HACE1: variants seen among roughly 807,000 people sequenced by gnomAD.
The protein encoded by HACE1 is HECT domain and ankyrin repeat containing E3 ubiquitin protein ligase 1.
HACE1 carries 73 observed loss-of-function variants against 118.4 expected under a neutral mutation model. The observed-to-expected ratio is 0.62, with a 90% CI of 0.51 to 0.75. The LOEUF (loss-of-function observed/expected upper bound fraction) is 0.75, where lower values mean the gene tolerates loss of function less well. Ranked by LOEUF, HACE1 falls within the 30% of genes least tolerant of loss-of-function variation. HACE1 has a pLI of 0.00. For synonymous variants in HACE1, 368 were observed against 374.8 expected, an observed-to-expected ratio of 0.98 and a Z score of 0.21; for missense variants, 749 against 1,102.2, an observed-to-expected ratio of 0.68 and a Z score of 4.54.
chr6:104,859,632 G>A lies in HACE1; in HGVS notation c.11C>T (p.Ala4Val). Residue 4 changes from alanine to valine, a missense_variant, in exon 1 of 24, where the codon GCG (alanine) becomes GTG (valine). Physicochemically the swap from Ala to Val is moderately conservative, Grantham distance 64. Around this residue, in one of 5 missense-constraint regions of HACE1, gnomAD observed 120 missense variants for 219.1 expected, o/e 0.55. Coordinates refer to ENST00000262903, the MANE Select transcript of HACE1 (RefSeq NM_020771.4). Reference sequence around the variant, plus strand: ...CGTCAGGCGGTTGAGTTGCTCCATCGCTCTCTCCATCCTCGGCGCGCCCTC... The same window carrying A: ...CGTCAGGCGGTTGAGTTGCTCCATCACTCTCTCCATCCTCGGCGCGCCCTC... MER[A>V]MEQLNRLTRS... 6.5e-7 allele frequency: 1 copy of A among 1,532,966 alleles called. No individual in the cohort carries two copies. The allele number at this position is 1,532,966 out of a possible 1,614,324, so 95.0% of individuals were successfully genotyped here. A position where few individuals can be genotyped will look rare whatever the true frequency, so the allele number is the denominator to read the frequency against.
chr6:104,830,430 C>T (rs564447392), intron 6 of HACE1, among the ~76,000 whole-genome samples: 1 of 152,130 alleles, frequency 6.6e-6, no homozygotes, highest in East Asian at 1.9e-4. Flanking sequence ...AGAAAAAATT[C>T]CAGGAAACAG....
chr6:104,750,056 A>C (rs1777868795), intron 20 of HACE1, among the ~76,000 whole-genome samples: 1 of 152,154 alleles, frequency 6.6e-6, no homozygotes, highest in Non-Finnish European at 1.5e-5. Context: ...ATATAGGAAG[A>C]CTGGCCTTCA....
intron 19 of HACE1, among the ~76,000 whole-genome samples, chr6:104,760,186 T>C (rs1031328563): frequency 2.6e-5 from 4 of 152,210 alleles, no homozygotes; most frequent in African/African-American, 9.7e-5. Context: ...GAATCCTCTC[T>C]AACTTATTTT....
intron 3 of HACE1, among the ~76,000 whole-genome samples, chr6:104,850,594 C>A (rs1488630031): frequency 6.6e-6 from 1 of 152,132 alleles, no homozygotes; most frequent in Non-Finnish European, 1.5e-5. Flanking sequence ...CATATAAAAT[C>A]TCATATTGCT....
intron 22 of HACE1, among the ~76,000 whole-genome samples, chr6:104,734,880 G>A (rs936611013): frequency 6.6e-6 from 1 of 152,100 alleles, no homozygotes; most frequent in African/African-American, 2.4e-5. Flanking sequence ...GACTCATACT[G>A]ACCAAATCAT....
At chr6:104,801,632 G>T (rs186378381) in intron 7 of HACE1, among the ~76,000 whole-genome samples, 11 of 152,274 alleles carry the variant, frequency 7.2e-5, no homozygotes, top group Admixed American at 2.6e-4. Context: ...CACAAGTGAA[G>T]GAGAAATAAA....
intron 19 of HACE1, among the ~76,000 whole-genome samples, chr6:104,751,085 G>GTTCA (rs1777995539): frequency 6.6e-6 from 1 of 151,912 alleles, no homozygotes; most frequent in South Asian, 2.1e-4. Flanking sequence ...TCTCCCCCTA[G>GTTCA]TTCATTCATT....
At chr6:104,753,992 A>C (rs1778348786) in intron 19 of HACE1, among the ~76,000 whole-genome samples, 1 of 152,216 alleles carries the variant, frequency 6.6e-6, no homozygotes, top group African/African-American at 2.4e-5. Context: ...CCCAATGCAA[A>C]GAAGCTAAGA....
At chr6:104,787,423 C>T (rs982590195) in intron 11 of HACE1, 2 of 152,124 alleles carry the variant, frequency 1.3e-5, no homozygotes, top group African/African-American at 4.8e-5. Flanking sequence ...TAATCATGAT[C>T]CAAGTTGAAA....
chr6:104,823,225 GGA>G (rs753177784), intron 6 of HACE1, among the ~76,000 whole-genome samples: 7 of 152,182 alleles, frequency 4.6e-5, no homozygotes, highest in Non-Finnish European at 1.0e-4. Context: ...CCTGAGGTCA[GGA>G]GTTCAAGATC....
At chr6:104,793,093 C>T (rs1012317396) in intron 10 of HACE1, among the ~76,000 whole-genome samples, 26 of 151,644 alleles carry the variant, frequency 1.7e-4, no homozygotes, top group Admixed American at 3.9e-4. Context: ...CAGTGAAACC[C>T]CGTCTCTACT....
intron 22 of HACE1, among the ~76,000 whole-genome samples, chr6:104,743,260 T>C (rs1777017188): frequency 6.6e-6 from 1 of 151,502 alleles, no homozygotes; most frequent in Non-Finnish European, 1.5e-5. Context: ...CATGTATACA[T>C]ATGTAACTAA....
intron 14 of HACE1, among the ~76,000 whole-genome samples, chr6:104,781,787 T>A (rs978204398): frequency 6.6e-6 from 1 of 151,878 alleles, no homozygotes; most frequent in African/African-American, 2.4e-5. Flanking sequence ...GGGACCCTCT[T>A]CTACACAGAC....
rs1491131612 is a variant in HACE1, at chr6:104,751,968, CAG to C, written c.2212-1498_2212-1497del. On this transcript the variant is annotated intron_variant, in intron 19 of 23. Coordinates refer to ENST00000262903, the MANE Select transcript of HACE1 (RefSeq NM_020771.4). ...AAAAAAACCAAACAAAAAAAAAAAA[CAG>C]GGGAAAAAAAGACCAAAAAAAGGCA... 1.1e-3 allele frequency among the ~76,000 whole-genome samples: 132 copies of C among 122,146 alleles called. 1 individual carries two copies. The highest frequency in any genetic ancestry group is 0.011 in the East Asian group (45 of 4,222). The allele number at this position is 122,146 out of a possible 152,430, so 80.1% of individuals were successfully genotyped here.
chr6:104,752,078 T>C (rs1778117111), intron 19 of HACE1, among the ~76,000 whole-genome samples: 1 of 152,206 alleles, frequency 6.6e-6, no homozygotes, highest in Admixed American at 6.5e-5. Flanking sequence ...GTAGATTCCA[T>C]ACAGCTCTCC....
At chr6:104,812,568 C>G (rs1035084962) in intron 6 of HACE1, among the ~76,000 whole-genome samples, 1 of 151,728 alleles carries the variant, frequency 6.6e-6, no homozygotes, top group Admixed American at 6.6e-5. Context: ...ACTAAACACC[C>G]AAAGGAAGAA....
At position 104,728,434 on chromosome 6, in the gene HACE1, CAA is replaced by C. The variant is rs764801481; in HGVS notation, c.*1226_*1227del. ...ATATTTTGTTAACATTTAGAAAAGA[CAA>C]GAGAATAAGAGAATCAAAACCAACG... On this transcript the variant is annotated 3_prime_UTR_variant, in exon 24 of 24. Transcript: ENST00000262903. The C allele has an allele frequency of 1.1e-4, 17 of 152,134 alleles. No homozygotes were observed. The highest frequency in any genetic ancestry group is 7.7e-4 in the East Asian group (4 of 5,186). The allele number at this position is 152,134 out of a possible 1,614,324, so 9.4% of individuals were successfully genotyped here.
intron 10 of HACE1, among the ~76,000 whole-genome samples, chr6:104,795,215 G>A (rs947466619): frequency 4.6e-5 from 7 of 152,064 alleles, no homozygotes; most frequent in African/African-American, 1.7e-4. Context: ...TACAATGAAA[G>A]GTTAAACAGT....
intron 6 of HACE1, chr6:104,824,747 G>C (rs1773126311): frequency 6.6e-6 from 1 of 152,132 alleles, no homozygotes; most frequent in Admixed American, 6.6e-5. Context: ...TCCACTTAAA[G>C]ATACAAAAGG....
Sources: allele counts gnomAD v4.1 joint callset (sites outside exome capture counted in the v4.1 genomes callset), GRCh38; gene constraint gnomAD v4.1.1; regional missense constraint gnomAD v4.1.1; transcripts MANE v1.5; gene names NCBI Gene and HGNC (gene_info 2026-07-23, HGNC 2026-07-21).